TNFSF4: variants seen among roughly 807,000 people sequenced by gnomAD.
TNFSF4 encodes the protein tumor necrosis factor ligand superfamily member 4.
In TNFSF4, 4 loss-of-function variants were observed where a neutral mutation model predicts 7.3. That is an observed-to-expected ratio of 0.55 (90% CI 0.27 to 1.25). The LOEUF (loss-of-function observed/expected upper bound fraction) is 1.25. Among genes scored for constraint, TNFSF4 ranks in the 50% most tolerant of loss-of-function variants. The probability of loss-of-function intolerance (pLI) is 0.12; values close to 1 mark genes in which losing one functional copy is unlikely to be tolerated. For synonymous variants in TNFSF4, 76 were observed against 83.7 expected, an observed-to-expected ratio of 0.91 and a Z score of 0.50; for missense variants, 181 against 208.8, an observed-to-expected ratio of 0.87 and a Z score of 0.82.
chr1:173,289,985 T>C, the TNFSF4 span, among the ~76,000 whole-genome samples: 1 of 152,044 alleles, frequency 6.6e-6, no homozygotes, highest in Non-Finnish European at 1.5e-5. Context: ...TGGTTCAACA[T>C]TTTCCAAGGT....
the TNFSF4 span, among the ~76,000 whole-genome samples, chr1:173,443,620 C>T: frequency 6.6e-6 from 1 of 151,928 alleles, no homozygotes; most frequent in South Asian, 2.1e-4. Context: ...ACACACACAC[C>T]CTCAGGCTCT....
chr1:173,310,514 T>A, the TNFSF4 span, among the ~76,000 whole-genome samples: 1 of 151,910 alleles, frequency 6.6e-6, no homozygotes, highest in Non-Finnish European at 1.5e-5. Flanking sequence ...ATAGAACACC[T>A]TATTATTTTA....
chr1:173,228,174 C>T, the TNFSF4 span, among the ~76,000 whole-genome samples: 1,544 of 152,290 alleles, frequency 0.01, 19 homozygotes, highest in Middle Eastern at 0.041. Context: ...TGGGAGGCAC[C>T]CCCGAGTAGG....
chr1:173,177,291 A>G, the TNFSF4 span, among the ~76,000 whole-genome samples: 1 of 152,190 alleles, frequency 6.6e-6, no homozygotes, highest in African/African-American at 2.4e-5. Context: ...TGTCCTCTGC[A>G]GCAACATGGA....
chr1:173,313,177 CT>C, the TNFSF4 span, among the ~76,000 whole-genome samples: 1 of 152,102 alleles, frequency 6.6e-6, no homozygotes, highest in African/African-American at 2.4e-5. Context: ...CATAAAAGAT[CT>C]TGATACATTA....
At chr1:173,208,531 C>T (rs1490850094), upstream of TNFSF4, among the ~76,000 whole-genome samples, 1 of 152,086 alleles carries the variant, frequency 6.6e-6, no homozygotes, top group Non-Finnish European at 1.5e-5. Context: ...TGAATTAATA[C>T]CTTCACTACA....
the TNFSF4 span, among the ~76,000 whole-genome samples, chr1:173,317,116 GT>G: frequency 6.6e-6 from 1 of 152,290 alleles, no homozygotes; most frequent in East Asian, 1.9e-4. Flanking sequence ...GAGCTGCCAT[GT>G]TAGAGGTCAA....
chr1:173,369,121 T>C, the TNFSF4 span, among the ~76,000 whole-genome samples: 2 of 151,880 alleles, frequency 1.3e-5, no homozygotes, highest in Non-Finnish European at 1.5e-5. Context: ...ACTCCAAAAT[T>C]GGGGGGGATA....
the TNFSF4 span, among the ~76,000 whole-genome samples, chr1:173,381,577 A>G: frequency 6.6e-5 from 10 of 152,134 alleles, no homozygotes; most frequent in Non-Finnish European, 1.2e-4. Flanking sequence ...TCAACTAACA[A>G]CTTCTACCAA....
chr1:173,262,442 A>G, the TNFSF4 span, among the ~76,000 whole-genome samples: 1 of 152,128 alleles, frequency 6.6e-6, no homozygotes, highest in East Asian at 1.9e-4. Flanking sequence ...GCCTCCTCTC[A>G]CCACTCCTAT....
the TNFSF4 span, among the ~76,000 whole-genome samples, chr1:173,367,315 C>G: frequency 6.6e-6 from 1 of 152,218 alleles, no homozygotes; most frequent in Non-Finnish European, 1.5e-5. Flanking sequence ...TCTGACGATA[C>G]AGCCTCCGAA....
the TNFSF4 span, among the ~76,000 whole-genome samples, chr1:173,393,716 C>A: frequency 2.0e-5 from 3 of 152,186 alleles, no homozygotes; most frequent in African/African-American, 4.8e-5. Context: ...TTAAGTAAAT[C>A]ATTTACAACT....
chr1:173,188,677 A>T, intron 1 of TNFSF4, 108 bp from the exon 2 acceptor site: 1 of 917,968 alleles, frequency 1.1e-6, no homozygotes. Context: ...CCTGTAGAGA[A>T]AACAAAAACA....
At chr1:173,287,251 T>C in the TNFSF4 span, among the ~76,000 whole-genome samples, 11,833 of 152,192 alleles carry the variant, frequency 0.078, 902 homozygotes, top group African/African-American at 0.2. Flanking sequence ...AGGAGGATCA[T>C]TTGAACCCAG....
the TNFSF4 span, among the ~76,000 whole-genome samples, chr1:173,400,315 A>G: frequency 6.6e-6 from 1 of 152,288 alleles, no homozygotes; most frequent in South Asian, 2.1e-4. Context: ...AGAAAACTAT[A>G]TATGCTCTGA....
the TNFSF4 span, among the ~76,000 whole-genome samples, chr1:173,176,964 C>T: frequency 6.6e-6 from 1 of 152,030 alleles, no homozygotes; most frequent in Non-Finnish European, 1.5e-5. Context: ...GACACTGGGG[C>T]CTACTTGAGG....
At chr1:173,323,734 A>C in the TNFSF4 span, among the ~76,000 whole-genome samples, 1 of 152,228 alleles carries the variant, frequency 6.6e-6, no homozygotes, top group Admixed American at 6.5e-5. Flanking sequence ...ATAGTAACTG[A>C]TGTGATCAAC....
chr1:173,369,408 G>A, the TNFSF4 span, among the ~76,000 whole-genome samples: 13 of 152,126 alleles, frequency 8.5e-5, no homozygotes, highest in African/African-American at 2.2e-4. Flanking sequence ...AGAATGCTTC[G>A]GTAAGGGCCA....
chr1:173,314,572 C>T, the TNFSF4 span, among the ~76,000 whole-genome samples: 2 of 152,210 alleles, frequency 1.3e-5, no homozygotes, highest in African/African-American at 4.8e-5. Context: ...GCATGCATCA[C>T]TGGAATTTGA....
Sources: allele counts gnomAD v4.1 joint callset (sites outside exome capture counted in the v4.1 genomes callset), GRCh38; gene constraint gnomAD v4.1.1; transcripts MANE v1.5; gene names NCBI Gene and HGNC (gene_info 2026-07-23, HGNC 2026-07-21).